ARK2C: variants seen among roughly 807,000 people sequenced by gnomAD.
ARK2C encodes the protein arkadia (RNF111) C-terminal like ring finger ubiquitin ligase 2C.
At chr18:46,436,036 G>T in the ARK2C span, among the ~76,000 whole-genome samples, 1 of 152,190 alleles carries the variant, frequency 6.6e-6, no homozygotes, top group Non-Finnish European at 1.5e-5. Context: ...TATCTTTGTT[G>T]TCCTGAGATG....
the ARK2C span, among the ~76,000 whole-genome samples, chr18:46,369,921 G>A: frequency 6.6e-6 from 1 of 152,140 alleles, no homozygotes; most frequent in Non-Finnish European, 1.5e-5. Flanking sequence ...ACTCTTGGGA[G>A]AGCTGCTGGC....
chr18:46,393,191 G>A, the ARK2C span, among the ~76,000 whole-genome samples: 1 of 152,180 alleles, frequency 6.6e-6, no homozygotes, highest in Non-Finnish European at 1.5e-5. Context: ...CCAAGAAAGG[G>A]CATTGTGATA....
At chr18:46,346,417 C>T in the ARK2C span, among the ~76,000 whole-genome samples, 7 of 146,752 alleles carry the variant, frequency 4.8e-5, no homozygotes, top group Non-Finnish European at 9.1e-5. Context: ...TCACCCGAAA[C>T]AGAAACTAAG....
the ARK2C span, among the ~76,000 whole-genome samples, chr18:46,355,243 G>C: frequency 1.3e-5 from 2 of 151,984 alleles, no homozygotes; most frequent in Non-Finnish European, 2.9e-5. Flanking sequence ...ATGAGCCACC[G>C]GGCCCGGCCT....
the ARK2C span, among the ~76,000 whole-genome samples, chr18:46,425,082 C>G: frequency 6.6e-6 from 1 of 152,210 alleles, no homozygotes; most frequent in African/African-American, 2.4e-5. Context: ...TTCTGACCAT[C>G]AGGGCCCTGC....
At chr18:46,456,149 G>A in the ARK2C span, 1 of 937,126 alleles carries the variant, frequency 1.1e-6, no homozygotes, top group South Asian at 1.4e-5. Context: ...ACTGCACCGT[G>A]TGTCTGGGAG....
the ARK2C span, chr18:46,450,527 G>A: frequency 2.4e-6 from 2 of 846,156 alleles, no homozygotes; most frequent in Non-Finnish European, 3.9e-6. Context: ...TTAAGAGTAA[G>A]AAAGAGAAGA....
At chr18:46,391,685 G>A in the ARK2C span, among the ~76,000 whole-genome samples, 2 of 151,738 alleles carry the variant, frequency 1.3e-5, no homozygotes, top group African/African-American at 4.8e-5. Context: ...TGGTGTAAAG[G>A]GCTTGGGACA....
chr18:46,373,381 C>T, the ARK2C span, among the ~76,000 whole-genome samples: 1 of 152,236 alleles, frequency 6.6e-6, no homozygotes, highest in Non-Finnish European at 1.5e-5. Flanking sequence ...CTGCCAGGTA[C>T]AGGAGGGACT....
chr18:46,378,879 C>T, the ARK2C span, among the ~76,000 whole-genome samples: 4 of 152,176 alleles, frequency 2.6e-5, no homozygotes, highest in African/African-American at 2.4e-5. Flanking sequence ...AAGCACCCCG[C>T]TATGGTCCTG....
At chr18:46,374,921 C>T in the ARK2C span, among the ~76,000 whole-genome samples, 100 of 152,188 alleles carry the variant, frequency 6.6e-4, no homozygotes, top group Non-Finnish European at 1.2e-3. Flanking sequence ...GTCTTGAGGG[C>T]CTCCCCAGTC....
the ARK2C span, among the ~76,000 whole-genome samples, chr18:46,351,167 T>C: frequency 6.6e-6 from 1 of 152,214 alleles, no homozygotes; most frequent in Non-Finnish European, 1.5e-5. Flanking sequence ...AAGATCACCC[T>C]GCCAAGGAGC....
chr18:46,443,597 A>T, the ARK2C span, among the ~76,000 whole-genome samples: 1 of 152,184 alleles, frequency 6.6e-6, no homozygotes, highest in African/African-American at 2.4e-5. Context: ...CTTGTAAATA[A>T]AGTTTTATTG....
At chr18:46,336,059 G>A in the ARK2C span, 4 of 985,374 alleles carry the variant, frequency 4.1e-6, no homozygotes, top group Non-Finnish European at 4.8e-6. Flanking sequence ...GTGAGGGGGA[G>A]TGGGTGTGTG....
At chr18:46,433,468 C>A in the ARK2C span, 349 of 1,612,356 alleles carry the variant, frequency 2.2e-4, 2 homozygotes, top group East Asian at 7.5e-3. Context: ...GCAGCAGCTC[C>A]TGGAAGCCCA....
the ARK2C span, among the ~76,000 whole-genome samples, chr18:46,403,649 G>A: frequency 4.6e-5 from 7 of 152,054 alleles, no homozygotes; most frequent in South Asian, 4.2e-4. Flanking sequence ...AGGCCGAGGC[G>A]GGTGGATAAT....
chr18:46,418,284 G>T, the ARK2C span, among the ~76,000 whole-genome samples: 5 of 152,106 alleles, frequency 3.3e-5, no homozygotes, highest in African/African-American at 1.2e-4. Flanking sequence ...TTGAGCCCAG[G>T]AGACAGAAGC....
chr18:46,389,790 G>A, the ARK2C span, among the ~76,000 whole-genome samples: 2 of 151,828 alleles, frequency 1.3e-5, no homozygotes, highest in African/African-American at 2.4e-5. Context: ...GTGCAGTGGT[G>A]CAATCTTGGC....
At chr18:46,334,732 G>A in the ARK2C span, 504 of 343,482 alleles carry the variant, frequency 1.5e-3, 7 homozygotes, top group African/African-American at 9.8e-3. The surrounding 1 kb of genome is among the most constrained non-coding windows in gnomAD (Gnocchi z 4.4). Flanking sequence ...GAGAGAGAGC[G>A]CGCGCGCGAG....
Sources: gnomAD v4.1 joint callset for allele counts (sites outside exome capture counted in the v4.1 genomes callset) on GRCh38, gnomAD v4.1.1 for gene constraint, Gnocchi (gnomAD v3.1) non-coding constraint, MANE v1.5 for transcripts, NCBI Gene and HGNC (gene_info 2026-07-23, HGNC 2026-07-21) for gene names.